RFLNA: variants seen among roughly 807,000 people sequenced by gnomAD.
RFLNA encodes refilin A, also known as refilin-A.
RFLNA carries 5 observed loss-of-function variants against 7.8 expected under a neutral mutation model. The observed-to-expected ratio is 0.64, with a 90% CI of 0.34 to 1.35. The LOEUF (loss-of-function observed/expected upper bound fraction) is 1.35, where lower values mean the gene tolerates loss of function less well. RFLNA is among the 40% of genes most tolerant of loss of function. The pLI is 0.04. For synonymous variants in RFLNA, 141 were observed against 131.3 expected (o/e 1.07, Z -0.50); for missense variants, 278 against 305.5 (o/e 0.91, Z 0.67).
intron 1 of RFLNA, among the ~76,000 whole-genome samples, chr12:124,308,121 A>G (rs1225540798): frequency 6.6e-6 from 1 of 151,904 alleles, no homozygotes; most frequent in Non-Finnish European, 1.5e-5. Context: ...AGCTGGGACT[A>G]CAGGCGTGCA....
At chr12:124,310,182 A>AAAAAAAAAAAAAAAAAAAAAG (rs2034215245) in intron 1 of RFLNA, among the ~76,000 whole-genome samples, 1 of 143,474 alleles carries the variant, frequency 7.0e-6, no homozygotes, top group African/African-American at 2.5e-5. Flanking sequence ...CAAAAAAAAA[A>AAAAAAAAAAAAAAAAAAAAAG]AAAAAAAAAA....
At chr12:124,310,184 A>AAAAAAAAAAAAAAAAAAAAAAAAAAAAC (rs1299997957) in intron 1 of RFLNA, among the ~76,000 whole-genome samples, 1 of 144,344 alleles carries the variant, frequency 6.9e-6, no homozygotes, top group Non-Finnish European at 1.5e-5. Flanking sequence ...AAAAAAAAAA[A>AAAAAAAAAAAAAAAAAAAAAAAAAAAAC]AAAAAAAAAA....
chr12:124,297,111 G>T (rs568040666), intron 1 of RFLNA, among the ~76,000 whole-genome samples: 1 of 152,254 alleles, frequency 6.6e-6, no homozygotes, highest in South Asian at 2.1e-4. Context: ...AATCCCCGTG[G>T]TGCCTTGCAC....
chr12:124,310,190 A>AAAAAAAAAAAAAAAAAAAAAAAAAAAC (rs2034215578), intron 1 of RFLNA, among the ~76,000 whole-genome samples: 2 of 146,170 alleles, frequency 1.4e-5, no homozygotes, highest in Non-Finnish European at 3.0e-5. Flanking sequence ...AAAAAAAAAA[A>AAAAAAAAAAAAAAAAAAAAAAAAAAAC]AAAAAAGCCT....
At chr12:124,302,988 G>C (rs555822719) in intron 1 of RFLNA, among the ~76,000 whole-genome samples, 9 of 152,302 alleles carry the variant, frequency 5.9e-5, no homozygotes, top group Non-Finnish European at 1.3e-4. Context: ...ACGGGGGAGG[G>C]GGGGCTCTGG....
Position 124,295,570 on chromosome 12 carries a change from C to G in RFLNA, c.141C>G (p.Ile47Met). The change falls in exon 1 of 3, where the codon ATC becomes ATG. Residue 47 changes from isoleucine to methionine, a missense_variant. Transcript: ENST00000546355. ...CCTTCTACTCCCTGGCGCCCGGCAT[C>G]CTCGACGCGCGCGCGGGGGGCGCCG... ...SPPFYSLAPG[I>M]LDARAGGAGA... 8.3e-7 allele frequency: 1 copy of G among 1,206,966 alleles called. No homozygotes were observed. The highest frequency in any genetic ancestry group is 1.0e-6 in the Non-Finnish European group (1 of 970,494). 74.8% of individuals were successfully genotyped at this position (1,206,966 alleles called of 1,614,324 possible). A position where few individuals can be genotyped will look rare whatever the true frequency, so the allele number is the denominator to read the frequency against.
At chr12:124,308,573 C>T (rs1266349751) in intron 1 of RFLNA, among the ~76,000 whole-genome samples, 1 of 152,250 alleles carries the variant, frequency 6.6e-6, no homozygotes, top group African/African-American at 2.4e-5. Flanking sequence ...CTGGGCCATG[C>T]CCCACCTCCC....
rs1171429244 is a variant in RFLNA at position 124,315,038 on chromosome 12, T to C, written c.*513T>C. 3 of 250,434 alleles carry C rather than the reference T, an allele frequency of 1.2e-5. No individual in the cohort carries two copies. The highest frequency in any genetic ancestry group is 9.7e-5 in the East Asian group (1 of 10,348). The allele number at this position is 250,434 out of a possible 1,614,324, so 15.5% of individuals were successfully genotyped here. ...GCCTGGGGTATTTCCAAAACAGCCT[T>C]TTCGCACACATGCAGGTTGCACCGA... On this transcript the variant is annotated 3_prime_UTR_variant, in exon 3 of 3. Coordinates refer to ENST00000546355, the MANE Select transcript of RFLNA (RefSeq NM_001365156.1).
In RFLNA at chr12:124,310,462, T is replaced by TG. The variant is rs370812431; in HGVS notation, c.208-1352dup. Among the ~76,000 whole-genome samples, 345 of 141,166 alleles carry TG rather than the reference T, an allele frequency of 2.4e-3. 2 individuals are homozygous for TG. Among genetic ancestry groups the TG allele is most frequent in the Non-Finnish European group, 3.5e-3 (229 of 65,490 alleles). 92.6% of individuals were successfully genotyped at this position (141,166 alleles called of 152,430 possible). On this transcript the variant is annotated intron_variant, in intron 1 of 2. Coordinates refer to ENST00000546355, the MANE Select transcript of RFLNA (RefSeq NM_001365156.1). ...CAGAGGTCTGTTTTCAGCATCAGTT[T>TG]GGGGCTGAATCAGCAATGGGCTGAG...
Position 124,295,609 on chromosome 12 carries a change from G to A in RFLNA, c.180G>A (p.Glu60=). The A allele has an allele frequency of 8.2e-7, 1 of 1,224,676 alleles. No homozygotes were observed. Among genetic ancestry groups the A allele is most frequent in the Non-Finnish European group, 1.0e-6 (1 of 984,528 alleles). 75.9% of individuals were successfully genotyped at this position (1,224,676 alleles called of 1,614,324 possible). The change falls in exon 1 of 3, where the codon GAG becomes GAA. Residue 60 remains glutamate (E), a synonymous_variant. Transcript: ENST00000546355. ...CGGGGGGCGCCGGCGCCTCCTCGGA[G>A]CCCCCGGGACCCAGCGAGGCCAGAG... ...ARAGGAGASS[E]PPGPSEARAP... is the part of the protein sequence containing the mutation.
intron 1 of RFLNA, 164 bp from the exon 2 acceptor site, chr12:124,311,654 C>A: frequency 1.7e-6 from 1 of 581,920 alleles, no homozygotes; most frequent in Non-Finnish European, 2.8e-6. Flanking sequence ...CTGGGGTGGG[C>A]TTCCTGATGG....
At chr12:124,295,760 G>A in intron 1 of RFLNA, 124 bp downstream of exon 1, 3 of 1,015,806 alleles carry the variant, frequency 3.0e-6, no homozygotes, top group Non-Finnish European at 3.8e-6. Context: ...CCGCAACCAC[G>A]AAGGTGGCCA....
rs112604005 is a variant in RFLNA at position 124,311,850 on chromosome 12, G to T, written c.240G>T (p.Ser80=). ...CCCAACTCCCAAATCCCCCGGCGTC[G>T]GAGATGAGGCCCCGGATGCTGCCAG... The part of the protein sequence containing the change: ...PPSQLPNPPA[S]EMRPRMLPVF... Residue 80 remains serine (S), a synonymous_variant, in exon 2 of 3, where the codon TCG becomes TCT. Transcript: ENST00000546355. The T allele has an allele frequency of 6.3e-7, 1 of 1,599,592 alleles. No homozygotes were observed. The highest frequency in any genetic ancestry group is 2.3e-5 in the East Asian group (1 of 42,950).
chr12:124,310,624 G>A (rs1375363223), intron 1 of RFLNA, among the ~76,000 whole-genome samples: 1 of 150,538 alleles, frequency 6.6e-6, no homozygotes, highest in Non-Finnish European at 1.5e-5. Flanking sequence ...AGCAGGATGG[G>A]GTGGGGGTCC....
Position 124,300,727 on chromosome 12 carries a change from GATGC to G in RFLNA, c.207+5095_207+5098del, listed in dbSNP as rs1372515871. On this transcript the variant is annotated intron_variant, in intron 1 of 2. Coordinates refer to ENST00000546355, the MANE Select transcript of RFLNA (RefSeq NM_001365156.1). ...GGATGGATGGGCAGAAGGGTGGATGGATGCATGGATGGATGGATGGATGGATGGA... is the reference window on the plus strand; with the variant it reads ...GGATGGATGGGCAGAAGGGTGGATGGATGGATGGATGGATGGATGGATGGA... 5.8e-3 allele frequency among the ~76,000 whole-genome samples: 663 copies of G among 114,080 alleles called. 2 individuals carry two copies. Among genetic ancestry groups the G allele is most frequent in the African/African-American group, 0.017 (537 of 30,690 alleles). 74.8% of individuals were successfully genotyped at this position (114,080 alleles called of 152,430 possible).
At chr12:124,294,469 T>C (rs948485609), upstream of RFLNA, among the ~76,000 whole-genome samples, 4 of 152,154 alleles carry the variant, frequency 2.6e-5, no homozygotes, top group Non-Finnish European at 5.9e-5. Context: ...CACGTGTTCT[T>C]CTCTCTTGGG....
At chr12:124,302,720 C>A (rs1049353587) in intron 1 of RFLNA, among the ~76,000 whole-genome samples, 9 of 151,742 alleles carry the variant, frequency 5.9e-5, no homozygotes, top group African/African-American at 1.9e-4. Context: ...CAGTGTATAT[C>A]CCAGACGATC....
In RFLNA at chr12:124,314,333, G is replaced by A. The variant is rs755916923; in HGVS notation, c.459G>A (p.Leu153=). 6.2e-6 allele frequency: 10 copies of A among 1,613,490 alleles called. No homozygotes were observed. The highest frequency in any genetic ancestry group is 8.5e-6 in the Non-Finnish European group (10 of 1,180,004). Residue 153 remains leucine (L), a synonymous_variant, in exon 3 of 3, where the codon CTG becomes CTA. Transcript: ENST00000546355. The part of the protein sequence containing the change: ...NCTWRNYRSQ[L]TLEPRPRALR... ...CGTGGCGCAACTACCGCAGCCAGCT[G>A]ACCCTGGAGCCACGCCCGCGCGCCC... is the stretch of plus-strand genomic sequence containing the variant.
chr12:124,307,845 G>A (rs539331679), intron 1 of RFLNA, among the ~76,000 whole-genome samples: 10 of 152,222 alleles, frequency 6.6e-5, no homozygotes, highest in Admixed American at 1.3e-4. Context: ...GTGTGAGCAG[G>A]GCCACACTGC....
Sources: gnomAD v4.1 joint callset for allele counts (sites outside exome capture counted in the v4.1 genomes callset) on GRCh38, gnomAD v4.1.1 for gene constraint, MANE v1.5 for transcripts, NCBI Gene and HGNC (gene_info 2026-07-23, HGNC 2026-07-21) for gene names.